Variants in PDE4D observed in about 807,000 individuals in gnomAD.
PDE4D encodes the protein 3',5'-cyclic-AMP phosphodiesterase 4D.
A neutral mutation model predicts 87.4 loss-of-function variants in PDE4D; 24 were observed. That is an observed-to-expected ratio of 0.27 (90% CI 0.20 to 0.39). The LOEUF (loss-of-function observed/expected upper bound fraction) is 0.39, where lower values mean the gene tolerates loss of function less well. Ranked by LOEUF, PDE4D falls within the 10% of genes least tolerant of loss-of-function variation. The probability of loss-of-function intolerance (pLI) is 1.00; values close to 1 mark genes in which losing one functional copy is unlikely to be tolerated. For synonymous variants in PDE4D, 384 were observed against 383.2 expected (o/e 1.00, Z -0.02); for missense variants, 714 against 1,041.0 (o/e 0.69, Z 4.32).
chr5:60,439,262 T>C (rs1320878323), intron 1 of PDE4D, among the ~76,000 whole-genome samples: 2 of 148,120 alleles, frequency 1.4e-5, no homozygotes, highest in Admixed American at 6.7e-5. Context: ...TACAGGATAA[T>C]AGACATCCCA....
At chr5:59,590,477 G>A (rs1825766865) in intron 1 of PDE4D, among the ~76,000 whole-genome samples, 1 of 152,090 alleles carries the variant, frequency 6.6e-6, no homozygotes, top group Non-Finnish European at 1.5e-5. Context: ...CCCATTTCAA[G>A]ACCAGGCTGG....
intron 1 of PDE4D, among the ~76,000 whole-genome samples, chr5:59,800,665 A>G (rs78267073): frequency 0.039 from 5,764 of 147,914 alleles, 361 homozygotes; most frequent in African/African-American, 0.14. Flanking sequence ...ACAAGTTGCT[A>G]TTGTATAGCT....
At chr5:59,752,045 A>C (rs943074393) in intron 1 of PDE4D, among the ~76,000 whole-genome samples, 7 of 152,262 alleles carry the variant, frequency 4.6e-5, no homozygotes, top group African/African-American at 1.7e-4. Context: ...TCTCCCTCCC[A>C]TAAATTCCAA....
chr5:60,319,383 C>A (rs143387810), intron 1 of PDE4D, among the ~76,000 whole-genome samples: 20 of 152,246 alleles, frequency 1.3e-4, no homozygotes, highest in Non-Finnish European at 2.5e-4. Flanking sequence ...GTTAGCCATT[C>A]GTCTTATCGT....
chr5:59,165,291 T>A (rs1243240916), intron 5 of PDE4D, among the ~76,000 whole-genome samples: 2 of 152,198 alleles, frequency 1.3e-5, no homozygotes, highest in Non-Finnish European at 2.9e-5. Context: ...TTTTTTTTCC[T>A]AAGACAGAGT....
chr5:60,184,899 T>G (rs959588461), intron 2 of PDE4D, among the ~76,000 whole-genome samples: 1 of 152,158 alleles, frequency 6.6e-6, no homozygotes, highest in Admixed American at 6.5e-5. Context: ...TTGATGGAAA[T>G]TAATAGTCTG....
intron 1 of PDE4D, among the ~76,000 whole-genome samples, chr5:60,318,781 AT>A (rs1755898712): frequency 1.3e-5 from 2 of 151,938 alleles, no homozygotes; most frequent in Non-Finnish European, 2.9e-5. Context: ...TGGGTTGAAA[AT>A]TCTTTTCTTT....
intron 2 of PDE4D, chr5:60,022,588 T>C (rs1244948916): frequency 6.6e-6 from 1 of 152,188 alleles, no homozygotes; most frequent in African/African-American, 2.4e-5. Context: ...GCTCTCTCTC[T>C]GTCTAAGATG....
At chr5:59,092,189 A>G (rs867022681) in intron 5 of PDE4D, among the ~76,000 whole-genome samples, 113 of 152,330 alleles carry the variant, frequency 7.4e-4, no homozygotes, top group African/African-American at 2.5e-3. Flanking sequence ...ATTCAAAGGC[A>G]TACTTTGCTT....
chr5:59,943,294 T>C (rs185738375), intron 3 of PDE4D, among the ~76,000 whole-genome samples: 1 of 152,190 alleles, frequency 6.6e-6, no homozygotes, highest in Non-Finnish European at 1.5e-5. Flanking sequence ...GATTCCAATG[T>C]TGGCCTATTT....
chr5:60,418,983 G>A, intron 1 of PDE4D, among the ~76,000 whole-genome samples: 1 of 152,068 alleles, frequency 6.6e-6, no homozygotes, highest in East Asian at 1.9e-4. Context: ...GTACCATGGA[G>A]AAAATGGATA....
In PDE4D at chr5:59,931,098, A is replaced by G. The variant is rs1755861867; in HGVS notation, c.272+57390T>C. The stretch of plus-strand genomic sequence containing the variant: ...TATTTTACTATTTATGAATTAAACA[A>G]TGTTGGGACAATATGAATTTTAATC... On this transcript the variant is annotated intron_variant, in intron 3 of 16. Coordinates refer to the PDE4D transcript ENST00000502484. 2.0e-5 allele frequency among the ~76,000 whole-genome samples: 3 copies of G among 152,228 alleles called. No individual in the cohort carries two copies. In the South Asian group the frequency reaches 6.2e-4, roughly 31 times the overall value.
chr5:59,792,402 CTG>C (rs3062592), intron 1 of PDE4D, among the ~76,000 whole-genome samples: 18,792 of 138,542 alleles, frequency 0.14, 1,354 homozygotes, highest in African/African-American at 0.21. Context: ...CTCCAAGAAG[CTG>C]TGTGTGTGTG....
intron 1 of PDE4D, among the ~76,000 whole-genome samples, chr5:59,727,405 T>A (rs1173461645): frequency 1.3e-5 from 2 of 152,100 alleles, no homozygotes; most frequent in African/African-American, 4.8e-5. Flanking sequence ...TGTGGGCTGG[T>A]TTATCCACGC....
chr5:59,584,517 A>T (rs1824765872), intron 1 of PDE4D, among the ~76,000 whole-genome samples: 1 of 152,336 alleles, frequency 6.6e-6, no homozygotes, highest in South Asian at 2.1e-4. Flanking sequence ...ACTTCTCCAT[A>T]CAGCTTTCAA....
intron 1 of PDE4D, among the ~76,000 whole-genome samples, chr5:59,276,525 G>T (rs1373817881): frequency 6.6e-6 from 1 of 152,108 alleles, no homozygotes; most frequent in African/African-American, 2.4e-5. Context: ...GAAATGTCAT[G>T]CTTTGGAGTT....
rs143470724 is a variant in PDE4D, at chr5:60,451,545, C to T, written c.-90+36397G>A. Among the ~76,000 whole-genome samples, 626 of 152,042 alleles carry T rather than the reference C, an allele frequency of 4.1e-3. 6 individuals are homozygous for T. The highest frequency in any genetic ancestry group is 0.014 in the African/African-American group (592 of 41,470). ...TCTCAATAACTACAGGCCTTTAGGA[C>T]GTCATAATAGATGTCTTTATTTTCC... is the stretch of plus-strand genomic sequence containing the variant. On this transcript the variant is annotated intron_variant, in intron 1 of 16. Transcript: ENST00000502484.
chr5:59,600,558 C>T (rs1014521379), intron 1 of PDE4D, among the ~76,000 whole-genome samples: 5 of 152,244 alleles, frequency 3.3e-5, no homozygotes, highest in South Asian at 4.1e-4. Context: ...TTGGGGGCTC[C>T]AGACTTGCAA....
In PDE4D at chr5:58,990,917, A is replaced by G; in HGVS notation, c.1189-15T>C. Reference sequence around the variant, plus strand: ...TCTTCTAGTTCCTGGAGTGAAAAAAAAAAAAAGATACTAAAATATTAGAAA... The same window carrying G: ...TCTTCTAGTTCCTGGAGTGAAAAAAGAAAAAAGATACTAAAATATTAGAAA... On this transcript the variant is annotated splice_polypyrimidine_tract_variant and intron_variant, in intron 8 of 14. Transcript: ENST00000340635. 3.0e-6 allele frequency: 4 copies of G among 1,349,914 alleles called. No individual in the cohort carries two copies. Among genetic ancestry groups the G allele is most frequent in the Middle Eastern group, 1.8e-4 (1 of 5,492 alleles). 83.6% of individuals were successfully genotyped at this position (1,349,914 alleles called of 1,614,324 possible).
Sources: gnomAD v4.1 joint callset for allele counts (sites outside exome capture counted in the v4.1 genomes callset) on GRCh38, gnomAD v4.1.1 for gene constraint, MANE v1.5 for transcripts, NCBI Gene and HGNC (gene_info 2026-07-23, HGNC 2026-07-21) for gene names.